The following PAX7 variants were observed in gnomAD, a reference collection of about 807,000 sequenced individuals.
PAX7 encodes paired box protein Pax-7.
A neutral mutation model predicts 50.7 loss-of-function variants in PAX7; 18 were observed. The observed-to-expected ratio is 0.36, with a 90% CI of 0.25 to 0.53. The LOEUF is 0.53. PAX7 is among the 20% of genes least tolerant of loss of function. The pLI is 0.93. For missense variants in PAX7, 644 were observed against 702.9 expected (o/e 0.92, Z 0.95); for synonymous variants, 310 against 290.4 (o/e 1.07, Z -0.69).
chr1:18,677,950 C>A (rs1251811789), intron 4 of PAX7, among the ~76,000 whole-genome samples: 1 of 151,838 alleles, frequency 6.6e-6, no homozygotes, highest in Non-Finnish European at 1.5e-5. Context: ...GGCGTGGTGG[C>A]ATTCTCCTGT....
chr1:18,664,511 C>T (rs4920339), intron 4 of PAX7, among the ~76,000 whole-genome samples: 75,329 of 151,726 alleles, frequency 0.5, 20,356 homozygotes, highest in African/African-American at 0.72. Flanking sequence ...TGTCACAGCA[C>T]TCTCATTTGG....
chr1:18,714,659 T>A (rs1351911233), intron 7 of PAX7, among the ~76,000 whole-genome samples: 1 of 152,234 alleles, frequency 6.6e-6, no homozygotes, highest in East Asian at 1.9e-4. Flanking sequence ...ATGGACCAAC[T>A]GCTAGCAGAG....
intron 4 of PAX7, among the ~76,000 whole-genome samples, chr1:18,639,992 C>CG (rs1191543815): frequency 4.5e-4 from 12 of 26,460 alleles, no homozygotes; most frequent in Admixed American, 3.0e-3. Context: ...GGGGACGGGG[C>CG]GGGGGGGAAA....
intron 4 of PAX7, among the ~76,000 whole-genome samples, chr1:18,641,868 G>C (rs2088260978): frequency 6.6e-6 from 1 of 152,040 alleles, no homozygotes; most frequent in Non-Finnish European, 1.5e-5. Flanking sequence ...GTAAAATATG[G>C]GCGTCTCAAA....
At chr1:18,663,035 T>C (rs1309860582) in intron 4 of PAX7, among the ~76,000 whole-genome samples, 4 of 152,242 alleles carry the variant, frequency 2.6e-5, no homozygotes, top group African/African-American at 9.6e-5. Flanking sequence ...TTCTAGATGT[T>C]TCTCCACAGA....
chr1:18,723,897 C>T (rs1017161986), intron 7 of PAX7, among the ~76,000 whole-genome samples: 4 of 152,188 alleles, frequency 2.6e-5, no homozygotes, highest in Admixed American at 6.5e-5. Flanking sequence ...TCTTTAGCAG[C>T]GTCTGTCCTC....
chr1:18,725,306 CCCCCCCG>C (rs773123524), intron 7 of PAX7, among the ~76,000 whole-genome samples: 15 of 53,768 alleles, frequency 2.8e-4, no homozygotes, highest in Admixed American at 5.1e-4. Context: ...GGAGACGCCC[CCCCCCCG>C]CCCCACCAAC....
chr1:18,679,698 G>T (rs757622844), intron 4 of PAX7, among the ~76,000 whole-genome samples: 3 of 152,194 alleles, frequency 2.0e-5, no homozygotes, highest in Non-Finnish European at 4.4e-5. Context: ...AGGATGGGAT[G>T]GGATGGACGT....
At chr1:18,676,708 C>T (rs764690534) in intron 4 of PAX7, among the ~76,000 whole-genome samples, 3 of 152,164 alleles carry the variant, frequency 2.0e-5, no homozygotes, top group African/African-American at 2.4e-5. Flanking sequence ...ATGCTGCACA[C>T]GCAACTTAGG....
chr1:18,706,670 A>G (rs1022826729), intron 7 of PAX7, among the ~76,000 whole-genome samples: 1 of 151,766 alleles, frequency 6.6e-6, no homozygotes, highest in Non-Finnish European at 1.5e-5. Flanking sequence ...TTTAGTAGAG[A>G]CAGGGTTTTG....
chr1:18,686,092 C>T (rs181882085), intron 4 of PAX7, among the ~76,000 whole-genome samples: 25 of 152,346 alleles, frequency 1.6e-4, no homozygotes, highest in African/African-American at 4.1e-4. Context: ...TGATGTTTTA[C>T]GTCTGTCCTG....
rs565699555 is a variant in PAX7, at chr1:18,726,001, C to T, written c.1156-9631C>T. 0.013 allele frequency among the ~76,000 whole-genome samples: 1,658 copies of T among 128,856 alleles called. 31 individuals are homozygous for T. The highest frequency in any genetic ancestry group is 0.047 in the African/African-American group (1,492 of 31,924). The allele number at this position is 128,856 out of a possible 152,430, so 84.5% of individuals were successfully genotyped here. ...AAGAGTGTGTGTGTGTGTGCGCGCG[C>T]GCGCGTGCGCGCGTGTGTGTGCGTG... is the stretch of plus-strand genomic sequence containing the variant. On this transcript the variant is annotated intron_variant, in intron 7 of 8. Coordinates refer to ENST00000420770, the MANE Select transcript of PAX7 (RefSeq NM_001135254.2). The surrounding 1 kb of genome is among the most constrained non-coding windows in gnomAD (Gnocchi z 4.8).
chr1:18,707,483 G>A (rs769007764), intron 7 of PAX7, among the ~76,000 whole-genome samples: 5 of 131,278 alleles, frequency 3.8e-5, no homozygotes, highest in Non-Finnish European at 6.1e-5. Flanking sequence ...GCAGTGGCGC[G>A]ATCTCAGCTC....
intron 4 of PAX7, among the ~76,000 whole-genome samples, chr1:18,654,552 C>T (rs962206408): frequency 2.6e-5 from 4 of 152,200 alleles, no homozygotes; most frequent in Non-Finnish European, 5.9e-5. Context: ...CAGCGAGTGG[C>T]AAGGTGGCAG....
At chr1:18,717,193 C>T (rs2089436756) in intron 7 of PAX7, among the ~76,000 whole-genome samples, 1 of 152,208 alleles carries the variant, frequency 6.6e-6, no homozygotes, top group African/African-American at 2.4e-5. Flanking sequence ...CTGCTTAATT[C>T]CCGCTGCCCG....
chr1:18,678,789 C>T (rs1406219172), intron 4 of PAX7, among the ~76,000 whole-genome samples: 2 of 151,910 alleles, frequency 1.3e-5, no homozygotes, highest in Non-Finnish European at 2.9e-5. Flanking sequence ...AATTTGAAGC[C>T]ATCATCCCAG....
At chr1:18,742,149 T>TA (rs1491407547) in intron 8 of PAX7, among the ~76,000 whole-genome samples, 4 of 15,776 alleles carry the variant, frequency 2.5e-4, no homozygotes, top group Admixed American at 9.4e-4. Flanking sequence ...ATGAGGCTTC[T>TA]TTTTTTTTTT....
chr1:18,684,580 C>A (rs1033299498), intron 4 of PAX7, among the ~76,000 whole-genome samples: 6 of 152,218 alleles, frequency 3.9e-5, no homozygotes, highest in Admixed American at 2.0e-4. Flanking sequence ...GCCATGGTCC[C>A]GGCTTGCCGG....
At chr1:18,666,504 A>G (rs2088671409) in intron 4 of PAX7, among the ~76,000 whole-genome samples, 1 of 152,240 alleles carries the variant, frequency 6.6e-6, no homozygotes, top group Admixed American at 6.5e-5. Flanking sequence ...AGTCTTCCTA[A>G]TAGCTGCCCA....
Sources: gnomAD v4.1 joint callset for allele counts (sites outside exome capture counted in the v4.1 genomes callset) on GRCh38, gnomAD v4.1.1 for gene constraint, Gnocchi (gnomAD v3.1) non-coding constraint, MANE v1.5 for transcripts, NCBI Gene and HGNC (gene_info 2026-07-23, HGNC 2026-07-21) for gene names.